C1QTNF3: variants seen among roughly 807,000 people sequenced by gnomAD.
C1QTNF3 encodes the protein complement C1q tumor necrosis factor-related protein 3.
A neutral mutation model predicts 32.6 loss-of-function variants in C1QTNF3; 26 were observed. That is an observed-to-expected ratio of 0.80 (90% CI 0.58 to 1.11). The LOEUF (loss-of-function observed/expected upper bound fraction) is 1.11, where lower values mean the gene tolerates loss of function less well. Ranked by LOEUF, C1QTNF3 falls within the 50% of genes least tolerant of loss-of-function variation. The pLI is 0.00. For missense variants in C1QTNF3, 362 were observed against 398.2 expected (o/e 0.91, Z 0.77); for synonymous variants, 155 against 146.0 (o/e 1.06, Z -0.44).
chr5:34,049,085 T>C, the C1QTNF3 span, among the ~76,000 whole-genome samples: 1 of 152,238 alleles, frequency 6.6e-6, no homozygotes, highest in Admixed American at 6.5e-5. Flanking sequence ...CCAGTATACC[T>C]GGATTGGATT....
chr5:34,166,170 A>G, the C1QTNF3 span: 1 of 152,128 alleles, frequency 6.6e-6, no homozygotes, highest in Non-Finnish European at 1.5e-5. Flanking sequence ...AGATCTCACG[A>G]CAATGGATAT....
the C1QTNF3 span, among the ~76,000 whole-genome samples, chr5:34,179,878 A>G: frequency 3.4e-4 from 51 of 151,698 alleles, no homozygotes; most frequent in African/African-American, 1.2e-3. Flanking sequence ...TAATGACTCA[A>G]ATCTAAGTCC....
the C1QTNF3 span, among the ~76,000 whole-genome samples, chr5:34,161,059 C>A: frequency 4.6e-5 from 7 of 152,172 alleles, no homozygotes; most frequent in Non-Finnish European, 1.0e-4. Flanking sequence ...AAGGCCAATT[C>A]TCTGGAGTGA....
At chr5:34,154,748 A>C in the C1QTNF3 span, among the ~76,000 whole-genome samples, 11 of 152,294 alleles carry the variant, frequency 7.2e-5, no homozygotes, top group Non-Finnish European at 5.9e-5. Context: ...AGAGAGAGAG[A>C]GCTAGAGATA....
the C1QTNF3 span, among the ~76,000 whole-genome samples, chr5:34,237,043 T>C: frequency 6.6e-6 from 1 of 152,150 alleles, no homozygotes; most frequent in African/African-American, 2.4e-5. Context: ...GGTTGCTTAG[T>C]TAAAGATCTA....
At position 34,019,168 on chromosome 5, in the gene C1QTNF3, T is replaced by C. The variant is rs1754265950; in HGVS notation, c.*1415A>G. On this transcript the variant is annotated 3_prime_UTR_variant, in exon 6 of 6. Coordinates refer to ENST00000382065, the MANE Select transcript of C1QTNF3 (RefSeq NM_181435.6). ...AGAATTTGCAAGTTTGTTTATTAGA[T>C]GGTACATGTAAATTTCCTATGACAC... Among the ~76,000 whole-genome samples, 1 of 152,176 alleles carries C rather than the reference T, an allele frequency of 6.6e-6. No individual in the cohort carries two copies. The highest frequency in any genetic ancestry group is 1.5e-5 in the Non-Finnish European group (1 of 68,026).
chr5:34,164,914 G>A, the C1QTNF3 span: 11 of 151,572 alleles, frequency 7.3e-5, no homozygotes, highest in Admixed American at 1.3e-4. Context: ...AGTTCAGATG[G>A]ATCTTACCAG....
chr5:34,071,936 A>G, the C1QTNF3 span, among the ~76,000 whole-genome samples: 2 of 152,010 alleles, frequency 1.3e-5, no homozygotes, highest in African/African-American at 2.4e-5. Context: ...AGCTATTGTG[A>G]TATTACTTTG....
chr5:34,032,731 G>C (rs1007557930), intron 3 of C1QTNF3, among the ~76,000 whole-genome samples: 25 of 152,294 alleles, frequency 1.6e-4, no homozygotes, highest in African/African-American at 6.0e-4. Flanking sequence ...ACGAGGAAGA[G>C]GTTGCAGTGA....
At chr5:34,167,339 C>T in the C1QTNF3 span, 3 of 152,132 alleles carry the variant, frequency 2.0e-5, no homozygotes, top group Non-Finnish European at 4.4e-5. Context: ...CTTAATGCAT[C>T]ATCTTAATTC....
At chr5:34,131,784 A>G in the C1QTNF3 span, among the ~76,000 whole-genome samples, 2 of 152,246 alleles carry the variant, frequency 1.3e-5, no homozygotes, top group East Asian at 3.9e-4. Flanking sequence ...GAATGTTCCC[A>G]TCACAAAGAA....
the C1QTNF3 span, among the ~76,000 whole-genome samples, chr5:34,137,222 T>C: frequency 3.1e-4 from 47 of 151,826 alleles, no homozygotes; most frequent in African/African-American, 1.1e-3. Context: ...AAGACAAATA[T>C]CAGGATCCCT....
chr5:34,213,529 C>A, the C1QTNF3 span, among the ~76,000 whole-genome samples: 1 of 151,070 alleles, frequency 6.6e-6, no homozygotes, highest in African/African-American at 2.4e-5. Context: ...GCAACTTACA[C>A]AACAGGATAC....
At chr5:34,214,054 AC>A in the C1QTNF3 span, among the ~76,000 whole-genome samples, 15 of 149,380 alleles carry the variant, frequency 1.0e-4, no homozygotes, top group Non-Finnish European at 1.9e-4. Context: ...CAAGTGATCT[AC>A]CCCCTCGGCC....
chr5:34,159,047 T>C, the C1QTNF3 span, among the ~76,000 whole-genome samples: 1 of 152,088 alleles, frequency 6.6e-6, no homozygotes, highest in African/African-American at 2.4e-5. Context: ...TTCACATTTG[T>C]TCTTAAAAAC....
At chr5:34,113,564 T>C in the C1QTNF3 span, among the ~76,000 whole-genome samples, 2 of 152,186 alleles carry the variant, frequency 1.3e-5, no homozygotes, top group Admixed American at 6.5e-5. Flanking sequence ...TTCTAACTAT[T>C]TATTAAAAAT....
chr5:34,098,961 GTTCTT>G, the C1QTNF3 span, among the ~76,000 whole-genome samples: 2 of 152,174 alleles, frequency 1.3e-5, no homozygotes, highest in Non-Finnish European at 2.9e-5. Flanking sequence ...GTATGTGTTA[GTTCTT>G]TTCTATATGT....
the C1QTNF3 span, among the ~76,000 whole-genome samples, chr5:34,087,910 T>A: frequency 6.6e-6 from 1 of 152,252 alleles, no homozygotes; most frequent in East Asian, 1.9e-4. Flanking sequence ...ACTGAAAAAG[T>A]AATTGGCCCT....
In C1QTNF3 at chr5:34,032,285, C is replaced by T. The variant is rs150068080; in HGVS notation, c.570+1019G>A. Among the ~76,000 whole-genome samples the T allele has an allele frequency of 1.6e-3, 236 of 152,154 alleles. 3 individuals are homozygous for T. In the South Asian group the frequency reaches 0.026, roughly 17 times the overall value. On this transcript the variant is annotated intron_variant, in intron 3 of 5. Coordinates refer to ENST00000382065, the MANE Select transcript of C1QTNF3 (RefSeq NM_181435.6). ...ATTTACAAGTTTAAGATCGTGTTGG[C>T]AATAAGAACTTTAATGATCATTTAA...
Sources: allele counts gnomAD v4.1 joint callset (sites outside exome capture counted in the v4.1 genomes callset), GRCh38; gene constraint gnomAD v4.1.1; transcripts MANE v1.5; gene names NCBI Gene and HGNC (gene_info 2026-07-23, HGNC 2026-07-21).